GRM8: variants seen among roughly 807,000 people sequenced by gnomAD.
The protein encoded by GRM8 is glutamate metabotropic receptor 8, also known as metabotropic glutamate receptor 8.
A neutral mutation model predicts 87.2 loss-of-function variants in GRM8; 47 were observed. The ratio of observed to expected loss-of-function variants is 0.54; its 90% CI spans 0.43 to 0.69. The LOEUF is 0.69. Ranked by LOEUF, GRM8 falls within the 30% of genes least tolerant of loss-of-function variation. The pLI is 0.00. For missense variants in GRM8, 1,019 were observed against 1,139.2 expected (o/e 0.89, Z 1.52); for synonymous variants, 396 against 404.5 (o/e 0.98, Z 0.25).
At chr7:126,875,228 G>A (rs1799434672) in intron 6 of GRM8, among the ~76,000 whole-genome samples, 1 of 150,948 alleles carries the variant, frequency 6.6e-6, no homozygotes, top group East Asian at 1.9e-4. Flanking sequence ...AGTCAAGGAA[G>A]AGATATCAAA....
chr7:126,533,484 T>A lies in GRM8; in HGVS notation c.1898A>T (p.Tyr633Phe). ...TGCAATCATTAAAAACGTGATTGAA[T>A]AACAGAGAAAAATCCCCGTTAGGAG... Reference protein sequence around the residue: ...YVLLTGIFLCYSITFLMIAAP... With the variant: ...YVLLTGIFLCFSITFLMIAAP... Residue 633 changes from tyrosine (Y) to phenylalanine (F), a missense_variant, in exon 9 of 11, where the codon TAT becomes TTT. Physicochemically the swap from Tyr to Phe is conservative, Grantham distance 22. Transcript: ENST00000339582. The A allele has an allele frequency of 6.2e-7, 1 of 1,614,056 alleles. No individual in the cohort carries two copies. The highest frequency in any genetic ancestry group is 8.5e-7 in the Non-Finnish European group (1 of 1,179,982).
intron 8 of GRM8, among the ~76,000 whole-genome samples, chr7:126,552,184 C>T (rs1019260992): frequency 1.3e-5 from 2 of 152,094 alleles, no homozygotes; most frequent in Non-Finnish European, 2.9e-5. Flanking sequence ...TGGTCCATCC[C>T]TCCTCTCACA....
intron 3 of GRM8, among the ~76,000 whole-genome samples, chr7:126,951,749 T>G (rs949748409): frequency 6.6e-6 from 1 of 151,994 alleles, no homozygotes; most frequent in African/African-American, 2.4e-5. Context: ...TCTCACTATT[T>G]GAGAAATAAA....
intron 3 of GRM8, among the ~76,000 whole-genome samples, chr7:126,984,335 G>A (rs2131884341): frequency 6.6e-6 from 1 of 152,310 alleles, no homozygotes; most frequent in African/African-American, 2.4e-5. Context: ...TGGATCCTGG[G>A]TGTGTCTGTG....
At chr7:126,559,073 G>T (rs1793432165) in intron 8 of GRM8, among the ~76,000 whole-genome samples, 1 of 151,996 alleles carries the variant, frequency 6.6e-6, no homozygotes, top group African/African-American at 2.4e-5. Flanking sequence ...ATAGGGAAAT[G>T]GGCTCCAGAT....
At chr7:127,026,856 A>C (rs1046907853) in intron 3 of GRM8, among the ~76,000 whole-genome samples, 2 of 152,026 alleles carry the variant, frequency 1.3e-5, no homozygotes, top group Non-Finnish European at 1.5e-5. Context: ...CCATTTGTCA[A>C]TTTTGGCTTT....
rs1355743605 is a variant in GRM8 at position 127,015,137 on chromosome 7, GAA to G, written c.727+91357_727+91358del. On this transcript the variant is annotated intron_variant, in intron 3 of 10. Coordinates refer to ENST00000339582, the MANE Select transcript of GRM8 (RefSeq NM_000845.3). Reference sequence around the variant, plus strand: ...GAAGGAGAAGAAGGAGAAGGAGAAGGAAGAAGGAAGAAGGAAGAAGGAGAAGG... The same window carrying G: ...GAAGGAGAAGAAGGAGAAGGAGAAGGGAAGGAAGAAGGAAGAAGGAGAAGG... Among the ~76,000 whole-genome samples the G allele has an allele frequency of 7.9e-4, 107 of 136,042 alleles. 1 individual carries two copies. The highest frequency in any genetic ancestry group is 2.8e-3 in the African/African-American group (100 of 35,250). 89.2% of individuals were successfully genotyped at this position (136,042 alleles called of 152,430 possible). A position where few individuals can be genotyped will look rare whatever the true frequency, so the allele number is the denominator to read the frequency against.
chr7:126,466,079 A>G (rs931392892), intron 9 of GRM8, among the ~76,000 whole-genome samples: 1 of 151,920 alleles, frequency 6.6e-6, no homozygotes. Context: ...GCCTTTTTAT[A>G]CTTTTTCAGT....
chr7:126,758,261 C>T (rs1817227947), intron 7 of GRM8, among the ~76,000 whole-genome samples: 1 of 152,114 alleles, frequency 6.6e-6, no homozygotes. Flanking sequence ...TGCCAGGCAT[C>T]GTGTTAAGTT....
intron 7 of GRM8, among the ~76,000 whole-genome samples, chr7:126,705,197 A>G (rs1810369847): frequency 1.3e-5 from 2 of 152,140 alleles, no homozygotes; most frequent in Non-Finnish European, 2.9e-5. Context: ...CCCTGAGACT[A>G]TAAGTTGAAG....
At chr7:127,235,352 T>C (rs756338391) in intron 2 of GRM8, among the ~76,000 whole-genome samples, 28 of 152,242 alleles carry the variant, frequency 1.8e-4, no homozygotes, top group Non-Finnish European at 3.1e-4. Flanking sequence ...TCTAAGTTAT[T>C]GCATGTTTCG....
chr7:127,136,165 C>T (rs1419424), intron 2 of GRM8, among the ~76,000 whole-genome samples: 58,913 of 151,680 alleles, frequency 0.39, 13,605 homozygotes, highest in African/African-American at 0.65. Context: ...ATGAATGTCA[C>T]AGAATTTTCA....
chr7:127,142,058 C>G (rs1343428680), intron 2 of GRM8, among the ~76,000 whole-genome samples: 1 of 152,028 alleles, frequency 6.6e-6, no homozygotes, highest in Non-Finnish European at 1.5e-5. Context: ...TCATAGCTCA[C>G]TACAACCTGG....
intron 3 of GRM8, among the ~76,000 whole-genome samples, chr7:127,079,924 C>T (rs2283089): frequency 0.16 from 24,375 of 152,064 alleles, 2,902 homozygotes; most frequent in African/African-American, 0.33. Context: ...GGAACATAAA[C>T]GATTGTAACA....
At chr7:126,669,091 C>T (rs2151301095) in intron 7 of GRM8, among the ~76,000 whole-genome samples, 1 of 152,300 alleles carries the variant, frequency 6.6e-6, no homozygotes, top group East Asian at 1.9e-4. Flanking sequence ...ACTGCATGTT[C>T]TCACTCATAA....
At chr7:126,643,319 A>T (rs980901342) in intron 7 of GRM8, among the ~76,000 whole-genome samples, 23 of 36,102 alleles carry the variant, frequency 6.4e-4, no homozygotes, top group East Asian at 3.3e-3. Flanking sequence ...AAAAAAAAAA[A>T]ATATATATAT....
chr7:126,511,988 T>A (rs1272474623), intron 9 of GRM8: 1 of 152,058 alleles, frequency 6.6e-6, no homozygotes, highest in Non-Finnish European at 1.5e-5. Context: ...AATTAGCCGG[T>A]GTAGGAAGCT....
chr7:126,903,757 A>G lies in GRM8; in HGVS notation c.1018+215T>C, dbSNP rs565676946. 1.4e-4 allele frequency among the ~76,000 whole-genome samples: 13 copies of G among 93,378 alleles called. 2 individuals are homozygous for G. The South Asian group carries it at 3.7e-3, about 27-fold the overall frequency. 61.3% of individuals were successfully genotyped at this position (93,378 alleles called of 152,430 possible). On this transcript the variant is annotated intron_variant, in intron 5 of 10. Coordinates refer to ENST00000339582, the MANE Select transcript of GRM8 (RefSeq NM_000845.3). ...TGTGTATATATATATGTATATGTGT[A>G]TATATATATGTGTGTGTGTATATAT...
intron 9 of GRM8, among the ~76,000 whole-genome samples, chr7:126,483,589 G>A (rs1329842797): frequency 6.7e-6 from 1 of 149,136 alleles, no homozygotes; most frequent in Admixed American, 6.7e-5. Context: ...CATTTATCTG[G>A]TCTAGAGTAT....
Sources: allele counts gnomAD v4.1 joint callset (sites outside exome capture counted in the v4.1 genomes callset), GRCh38; gene constraint gnomAD v4.1.1; transcripts MANE v1.5; gene names NCBI Gene and HGNC (gene_info 2026-07-23, HGNC 2026-07-21).